SPTAN1: variants seen among roughly 807,000 people sequenced by gnomAD.
SPTAN1 encodes the protein spectrin alpha, non-erythrocytic 1.
Under a neutral mutation model 331.3 loss-of-function variants are expected in SPTAN1, and 61 were observed. That is an observed-to-expected ratio of 0.18 (90% CI 0.15 to 0.23). The LOEUF is 0.23. Ranked by LOEUF, SPTAN1 falls within the 10% of genes least tolerant of loss-of-function variation. The probability of loss-of-function intolerance (pLI) is 1.00; values close to 1 mark genes in which losing one functional copy is unlikely to be tolerated. For synonymous variants in SPTAN1, 1,153 were observed against 1,173.9 expected (o/e 0.98, Z 0.36); for missense variants, 2,043 against 3,147.9 (o/e 0.65, Z 8.40).
chr9:128,618,610 A>G (rs1330593095), intron 43 of SPTAN1, among the ~76,000 whole-genome samples: 2 of 151,908 alleles, frequency 1.3e-5, no homozygotes, highest in Non-Finnish European at 2.9e-5. Context: ...CAGCCTCCCG[A>G]GTAGCTGGGA....
chr9:128,584,101 C>T, intron 16 of SPTAN1, 132 bp downstream of exon 16: 1 of 1,428,178 alleles, frequency 7.0e-7, no homozygotes, highest in Non-Finnish European at 9.7e-7. Flanking sequence ...TCGCTCTGTG[C>T]TGCATGTGCT....
Position 128,583,068 on chromosome 9 carries a change from T to C in SPTAN1, c.1807-9T>C. ...CAAGATAGAAAGAACCCCCTTCTTT[T>C]ATTCACAGGATCCATCCAACCTACA... On this transcript the variant is annotated splice_polypyrimidine_tract_variant and intron_variant, in intron 14 of 56. Transcript: ENST00000372739. The C allele has an allele frequency of 6.2e-7, 1 of 1,614,034 alleles. No individual in the cohort carries two copies. The highest frequency in any genetic ancestry group is 1.7e-4 in the Middle Eastern group (1 of 6,038).
At chr9:128,566,113 G>A (rs752091618) in intron 1 of SPTAN1, among the ~76,000 whole-genome samples, 13 of 152,216 alleles carry the variant, frequency 8.5e-5, no homozygotes, top group Non-Finnish European at 1.8e-4. Flanking sequence ...GCGGAGCGCA[G>A]TGGTGCAATG....
At chr9:128,556,145 G>A (rs1304195606) in intron 1 of SPTAN1, among the ~76,000 whole-genome samples, 2 of 151,870 alleles carry the variant, frequency 1.3e-5, no homozygotes, top group Admixed American at 1.3e-4. Flanking sequence ...CGCTTTAACC[G>A]AGGAGTTGGA....
At position 128,566,931 on chromosome 9, in the gene SPTAN1, T is replaced by C; in HGVS notation, c.191T>C (p.Leu64Pro). 1 of 1,614,198 alleles carries C rather than the reference T, an allele frequency of 6.2e-7. No homozygotes were observed. ...CTGGAGAAATGGATACAGGAAAAAC[T>C]TCAGATTGCATCTGATGAGAATTAT... ...EELEKWIQEK[L>P]QIASDENYKD... The change falls in exon 2 of 57, where the codon CTT (leucine) becomes CCT (proline). Residue 64 changes from leucine (L) to proline (P), a missense_variant. Physicochemically the swap from Leu to Pro is moderately conservative, Grantham distance 98. Transcript: ENST00000372739.
chr9:128,570,946 C>A (rs549896768), intron 3 of SPTAN1, among the ~76,000 whole-genome samples: 7 of 152,264 alleles, frequency 4.6e-5, no homozygotes, highest in African/African-American at 1.7e-4. Flanking sequence ...CAGGCATGAG[C>A]CGCCGCTCCT....
Position 128,629,255 on chromosome 9 carries a change from G to A in SPTAN1, c.6708-1066G>A, listed in dbSNP as rs559374138. On this transcript the variant is annotated intron_variant, in intron 51 of 56. Transcript: ENST00000372739. The surrounding 1 kb of genome is among the most constrained non-coding windows in gnomAD (Gnocchi z 4.9). ...TGATGCACTCTTGACATCCCCAGGC[G>A]GCTCCACCCTGACTAACCTGCCGCC... The A allele has an allele frequency of 2.3e-4, 93 of 398,044 alleles. No individual in the cohort carries two copies. Among genetic ancestry groups the A allele is most frequent in the Non-Finnish European group, 3.8e-4 (85 of 225,908 alleles). 24.7% of individuals were successfully genotyped at this position (398,044 alleles called of 1,614,324 possible).
intron 3 of SPTAN1, among the ~76,000 whole-genome samples, chr9:128,570,859 C>A (rs866416863): frequency 1.3e-5 from 2 of 152,030 alleles, no homozygotes; most frequent in Admixed American, 1.3e-4. Context: ...CAGGGTTTCT[C>A]CATGTTAGTC....
intron 24 of SPTAN1, among the ~76,000 whole-genome samples, chr9:128,595,536 G>A (rs573539800): frequency 6.6e-6 from 1 of 152,230 alleles, no homozygotes; most frequent in East Asian, 1.9e-4. Flanking sequence ...CAATAGATGT[G>A]AAAGTACTCT....
chr9:128,604,826 G>T (rs1410220383), intron 29 of SPTAN1, among the ~76,000 whole-genome samples: 2 of 152,158 alleles, frequency 1.3e-5, no homozygotes, highest in Non-Finnish European at 2.9e-5. Context: ...AGCTACTTGG[G>T]AGGTTGAGGC....
At chr9:128,586,419 C>CA (rs1271785992) in intron 19 of SPTAN1, among the ~76,000 whole-genome samples, 1 of 152,012 alleles carries the variant, frequency 6.6e-6, no homozygotes, top group Non-Finnish European at 1.5e-5. Flanking sequence ...AGGAATGAAC[C>CA]ACCCCTTCTG....
In SPTAN1 at chr9:128,580,922, C is replaced by G; in HGVS notation, c.1324C>G (p.Leu442Val). 6.2e-7 allele frequency: 1 copy of G among 1,612,768 alleles called. No homozygotes were observed. Among genetic ancestry groups the G allele is most frequent in the Non-Finnish European group, 8.5e-7 (1 of 1,180,018 alleles). The stretch of plus-strand genomic sequence containing the variant: ...TGACCATGTCTCCTATGCCCCCAAG[C>G]TGACCGTCCTTTCCGAGGAGAGAGC... Reference protein sequence around the residue: ...HYASDEVREKLTVLSEERAAL... With the variant: ...HYASDEVREKVTVLSEERAAL... The change falls in exon 11 of 57, where the codon CTG (leucine) becomes GTG (valine). Residue 442 changes from leucine to valine, a missense_variant and splice_region_variant. By Grantham distance (32) the Leu-to-Val change is conservative. Transcript: ENST00000372739.
chr9:128,595,684 A>G (rs904451250), intron 24 of SPTAN1, among the ~76,000 whole-genome samples: 20 of 152,124 alleles, frequency 1.3e-4, no homozygotes, highest in African/African-American at 4.1e-4. Context: ...AGAAAACCAC[A>G]TATCCGTCAA....
intron 4 of SPTAN1, 49 bp downstream of exon 4, chr9:128,574,864 A>G: frequency 6.2e-7 from 1 of 1,612,718 alleles, no homozygotes; most frequent in Admixed American, 1.7e-5. Context: ...AAGAAAAGGG[A>G]AGAGACTCCT....
chr9:128,594,429 ATTTT>A (rs10679469), intron 24 of SPTAN1, 56 bp downstream of exon 24: 106 of 759,986 alleles, frequency 1.4e-4, no homozygotes, highest in Middle Eastern at 8.3e-4. Context: ...GAGTCTCTTG[ATTTT>A]TTTTTTTTTT....
intron 26 of SPTAN1, 70 bp from the exon 27 acceptor site, chr9:128,600,010 G>T (rs1474787984): frequency 3.0e-5 from 45 of 1,524,946 alleles, no homozygotes; most frequent in South Asian, 1.1e-4. Context: ...AGAGTCATTC[G>T]CTGGAAAGGC....
chr9:128,586,364 C>T (rs1040952921), intron 19 of SPTAN1, among the ~76,000 whole-genome samples: 3 of 151,926 alleles, frequency 2.0e-5, no homozygotes, highest in Admixed American at 6.6e-5. Context: ...AACTCCTGGC[C>T]TCAAACAATC....
chr9:128,609,061 C>G, intron 35 of SPTAN1, 61 bp from the exon 36 acceptor site: 2 of 1,614,090 alleles, frequency 1.2e-6, no homozygotes, highest in Non-Finnish European at 1.7e-6. Flanking sequence ...GTTCTGTCTC[C>G]CCACTTCCTT....
intron 3 of SPTAN1, among the ~76,000 whole-genome samples, chr9:128,572,933 G>C (rs1314368444): frequency 6.6e-6 from 1 of 152,168 alleles, no homozygotes; most frequent in African/African-American, 2.4e-5. Context: ...GAAGTGAATT[G>C]TGTGAGCATG....
Sources: gnomAD v4.1 joint callset for allele counts (sites outside exome capture counted in the v4.1 genomes callset) on GRCh38, gnomAD v4.1.1 for gene constraint, Gnocchi (gnomAD v3.1) non-coding constraint, MANE v1.5 for transcripts, NCBI Gene and HGNC (gene_info 2026-07-23, HGNC 2026-07-21) for gene names.